Variants in ST8SIA6 observed in about 807,000 individuals in gnomAD.
ST8SIA6 encodes alpha-2,8-sialyltransferase 8F.
A neutral mutation model predicts 33.6 loss-of-function variants in ST8SIA6; 39 were observed. That is an observed-to-expected ratio of 1.16 (90% confidence interval 0.90 to 1.52). The LOEUF is 1.52. Ranked by LOEUF, ST8SIA6 falls within the 40% of genes most tolerant of loss-of-function variation. ST8SIA6 has a pLI of 0.00. For synonymous variants in ST8SIA6, 172 were observed against 167.2 expected (o/e 1.03, Z -0.22); for missense variants, 441 against 443.8 (o/e 0.99, Z 0.06).
At chr10:17,360,235 G>T (rs1040216371) in intron 3 of ST8SIA6, among the ~76,000 whole-genome samples, 5 of 152,028 alleles carry the variant, frequency 3.3e-5, no homozygotes, top group African/African-American at 1.2e-4. Context: ...TAGTCTTTGC[G>T]TTCTCATTTG....
At chr10:17,408,707 A>G (rs912280189) in intron 2 of ST8SIA6, among the ~76,000 whole-genome samples, 4 of 152,068 alleles carry the variant, frequency 2.6e-5, no homozygotes, top group Non-Finnish European at 5.9e-5. Flanking sequence ...CATCTTCACT[A>G]AAACTCAAAT....
chr10:17,326,948 C>T (rs1454556948), intron 6 of ST8SIA6, 66 bp downstream of exon 6: 3 of 1,117,080 alleles, frequency 2.7e-6, no homozygotes, highest in African/African-American at 3.2e-5. Context: ...GATATCTTTA[C>T]ACTATCCCCC....
chr10:17,443,427 T>C (rs576432141), intron 2 of ST8SIA6, among the ~76,000 whole-genome samples: 1 of 152,370 alleles, frequency 6.6e-6, no homozygotes, highest in East Asian at 1.9e-4. Context: ...ACAACCTCAA[T>C]TTCTGGGAAT....
chr10:17,326,668 C>G (rs997443835), intron 6 of ST8SIA6, among the ~76,000 whole-genome samples: 2 of 152,148 alleles, frequency 1.3e-5, no homozygotes, highest in African/African-American at 4.8e-5. Context: ...AAAAGATCTT[C>G]AAGGTCAGGT....
intron 4 of ST8SIA6, among the ~76,000 whole-genome samples, chr10:17,333,715 ATATTT>A (rs1475430095): frequency 0.014 from 504 of 34,932 alleles, no homozygotes; most frequent in Non-Finnish European, 0.018. Context: ...ATATATATAT[ATATTT>A]TTTTTTTTTT....
chr10:17,361,535 C>T (rs1212897839), intron 3 of ST8SIA6, among the ~76,000 whole-genome samples: 1 of 151,632 alleles, frequency 6.6e-6, no homozygotes, highest in Admixed American at 6.6e-5. Context: ...CACACACACA[C>T]ACACACACAC....
At chr10:17,415,443 C>G (rs1447811141) in intron 2 of ST8SIA6, among the ~76,000 whole-genome samples, 3 of 152,092 alleles carry the variant, frequency 2.0e-5, no homozygotes, top group Non-Finnish European at 1.5e-5. Context: ...GATGACACAC[C>G]AGGAGTCCAG....
At chr10:17,437,668 T>C (rs1852324613) in intron 2 of ST8SIA6, among the ~76,000 whole-genome samples, 1 of 149,602 alleles carries the variant, frequency 6.7e-6, no homozygotes, top group Admixed American at 6.7e-5. Context: ...CTTCCTTCTG[T>C]CTCTCTTTCT....
intron 3 of ST8SIA6, among the ~76,000 whole-genome samples, chr10:17,361,657 A>G (rs929686615): frequency 5.3e-5 from 8 of 151,232 alleles, no homozygotes; most frequent in Non-Finnish European, 7.4e-5. Flanking sequence ...ATACTTCCCA[A>G]CTCACTATAT....
intron 2 of ST8SIA6, among the ~76,000 whole-genome samples, chr10:17,440,559 A>C (rs1168819677): frequency 6.6e-6 from 1 of 152,184 alleles, no homozygotes; most frequent in Non-Finnish European, 1.5e-5. Context: ...TCAAGGTCTT[A>C]GGGCTATCCA....
At chr10:17,370,923 A>C (rs536792055) in intron 3 of ST8SIA6, among the ~76,000 whole-genome samples, 5 of 152,304 alleles carry the variant, frequency 3.3e-5, no homozygotes, top group African/African-American at 1.2e-4. Context: ...ACTTTGTTGA[A>C]AATAGTCCTT....
intron 2 of ST8SIA6, among the ~76,000 whole-genome samples, chr10:17,443,838 C>T (rs1852596521): frequency 6.6e-6 from 1 of 152,174 alleles, no homozygotes. Flanking sequence ...CTCATGTTTA[C>T]CAAACCATCC....
At chr10:17,391,921 C>T (rs12415421) in intron 2 of ST8SIA6, among the ~76,000 whole-genome samples, 8,626 of 152,106 alleles carry the variant, frequency 0.057, 357 homozygotes, top group East Asian at 0.25. Context: ...CAATGTAAAC[C>T]ACTTGTAACA....
intron 2 of ST8SIA6, chr10:17,403,640 C>T (rs1851133259): frequency 6.6e-6 from 1 of 152,182 alleles, no homozygotes; most frequent in Non-Finnish European, 1.5e-5. Context: ...TTTTCTTACT[C>T]TAAACAGCTA....
At chr10:17,388,680 G>A (rs575081957) in intron 3 of ST8SIA6, among the ~76,000 whole-genome samples, 1 of 152,142 alleles carries the variant, frequency 6.6e-6, no homozygotes, top group Non-Finnish European at 1.5e-5. Context: ...TGACATGAAA[G>A]AAATCAGACC....
chr10:17,325,452 TTAC>T (rs1848102254), intron 6 of ST8SIA6, among the ~76,000 whole-genome samples: 1 of 78,408 alleles, frequency 1.3e-5, no homozygotes. Flanking sequence ...ATTATATATT[TTAC>T]TACTACTGTA....
At chr10:17,324,960 G>A (rs2120717) in intron 6 of ST8SIA6, among the ~76,000 whole-genome samples, 2,747 of 142,878 alleles carry the variant, frequency 0.019, 30 homozygotes, top group African/African-American at 0.023. Flanking sequence ...AACACATAAT[G>A]TGTATATAAT....
At position 17,329,131 on chromosome 10, in the gene ST8SIA6, A is replaced by T. The variant is rs539092878; in HGVS notation, c.523-2005T>A. ...CCAACTAGCAAAGAAACTCGGTTTC[A>T]GTACAACTCTCTTTGTAGGTTTGCC... is the stretch of plus-strand genomic sequence containing the variant. On this transcript the variant is annotated intron_variant, in intron 5 of 7. Coordinates refer to ENST00000377602, the MANE Select transcript of ST8SIA6 (RefSeq NM_001004470.3). 3.9e-5 allele frequency among the ~76,000 whole-genome samples: 6 copies of T among 152,242 alleles called. No homozygotes were observed. In the East Asian group the frequency reaches 1.2e-3, roughly 29 times the overall value.
chr10:17,349,586 G>T (rs570214468), intron 4 of ST8SIA6, among the ~76,000 whole-genome samples: 1 of 152,268 alleles, frequency 6.6e-6, no homozygotes, highest in East Asian at 1.9e-4. Context: ...AGCCTAATAA[G>T]AATAAAGACG....
Sources: gnomAD v4.1 joint callset for allele counts (sites outside exome capture counted in the v4.1 genomes callset) on GRCh38, gnomAD v4.1.1 for gene constraint, MANE v1.5 for transcripts, NCBI Gene and HGNC (gene_info 2026-07-23, HGNC 2026-07-21) for gene names.